The following ERN1 variants were observed in gnomAD, a reference collection of about 807,000 sequenced individuals.
ERN1 encodes endoplasmic reticulum to nucleus signaling 1.
Under a neutral mutation model 113.1 loss-of-function variants are expected in ERN1, and 39 were observed. The observed-to-expected ratio is 0.34, with a 90% CI of 0.27 to 0.45. The LOEUF is 0.45. Ranked by LOEUF, ERN1 falls within the 20% of genes least tolerant of loss-of-function variation. ERN1 has a pLI of 1.00. For missense variants in ERN1, 976 were observed against 1,274.8 expected (o/e 0.77, Z 3.57); for synonymous variants, 507 against 515.9 (o/e 0.98, Z 0.23).
Position 64,079,653 on chromosome 17 carries a change from T to A in ERN1, c.282+9A>T, listed in dbSNP as rs1264552340. 1 of 1,611,732 alleles carries A rather than the reference T, an allele frequency of 6.2e-7. No homozygotes were observed. The highest frequency in any genetic ancestry group is 8.5e-7 in the Non-Finnish European group (1 of 1,177,994). Reference sequence around the variant, plus strand: ...CCCTGGAGTACAAAAAGCAGCTAAATATACTCACCGTCAGGCCTTCATTAT... The same window carrying A: ...CCCTGGAGTACAAAAAGCAGCTAAAAATACTCACCGTCAGGCCTTCATTAT... On this transcript the variant is annotated intron_variant, in intron 4 of 21. Coordinates refer to ENST00000433197, the MANE Select transcript of ERN1 (RefSeq NM_001433.5).
intron 2 of ERN1, among the ~76,000 whole-genome samples, chr17:64,083,512 C>T (rs1011874303): frequency 6.6e-6 from 1 of 151,976 alleles, no homozygotes; most frequent in African/African-American, 2.4e-5. Flanking sequence ...GAATAAAAGC[C>T]AATGTCACCA....
chr17:64,045,240 A>AACCTG, intron 20 of ERN1, 119 bp downstream of exon 20: 1 of 1,212,784 alleles, frequency 8.2e-7, no homozygotes, highest in Non-Finnish European at 1.2e-6. Context: ...GAAAGTCTCA[A>AACCTG]ACCTGACAGG....
At position 64,066,693 on chromosome 17, in the gene ERN1, T is replaced by C. The variant is rs2143375842; in HGVS notation, c.820A>G (p.Thr274Ala). Residue 274 changes from threonine (T) to alanine (A), a missense_variant, in exon 8 of 22, where the codon ACA becomes GCA. This residue lies in a region of ERN1 where 459 missense variants were observed against 581.2 expected (regional missense o/e 0.79). Coordinates refer to ENST00000433197, the MANE Select transcript of ERN1 (RefSeq NM_001433.5). Reference protein sequence around the residue: ...TKWKYPFPKETEAKSKLTPTL... With the variant: ...TKWKYPFPKEAEAKSKLTPTL... ...CACGTCAGCTTGCTCTTGGCCTCTG[T>C]CTCCTTGGGGAACGGGTACTTCCAC... is the stretch of plus-strand genomic sequence containing the variant. 1 of 1,613,886 alleles carries C rather than the reference T, an allele frequency of 6.2e-7. No homozygotes were observed. Among genetic ancestry groups the C allele is most frequent in the Non-Finnish European group, 8.5e-7 (1 of 1,179,864 alleles).
At chr17:64,102,852 A>G in intron 1 of ERN1, 1 of 985,382 alleles carries the variant, frequency 1.0e-6, no homozygotes, top group South Asian at 4.7e-5. Context: ...TTTCAAGTTA[A>G]CAACCATTTG....
intron 1 of ERN1, among the ~76,000 whole-genome samples, chr17:64,110,136 G>T (rs1205703054): frequency 6.6e-6 from 1 of 152,022 alleles, no homozygotes; most frequent in East Asian, 1.9e-4. Flanking sequence ...AAGGTCAAAG[G>T]TCTCAGCTTT....
At position 64,055,847 on chromosome 17, in the gene ERN1, T is replaced by A; in HGVS notation, c.1500A>T (p.Pro500=). ...QQQQQQLPFH[P]PGDTAQDGEL... Reference sequence around the variant, plus strand: ...CGCCGTCCTGAGCCGTGTCTCCAGGTGGGTGGAAGGGCAGCTGCTGCTGCT... The same window carrying A: ...CGCCGTCCTGAGCCGTGTCTCCAGGAGGGTGGAAGGGCAGCTGCTGCTGCT... The change falls in exon 13 of 22, where the codon CCA becomes CCT. Residue 500 remains proline (P), a synonymous_variant. Transcript: ENST00000433197. The A allele has an allele frequency of 6.4e-7, 1 of 1,554,170 alleles. No individual in the cohort carries two copies. Among genetic ancestry groups the A allele is most frequent in the Non-Finnish European group, 8.7e-7 (1 of 1,148,686 alleles).
At chr17:64,077,946 C>CGTGTTAGCCAGG (rs1555615787) in intron 4 of ERN1, among the ~76,000 whole-genome samples, 5 of 152,154 alleles carry the variant, frequency 3.3e-5, no homozygotes, top group African/African-American at 1.2e-4. Flanking sequence ...GGGGTTTCAC[C>CGTGTTAGCCAGG]ATGGTCTCGA....
intron 16 of ERN1, 103 bp from the exon 17 acceptor site, chr17:64,053,082 A>G: frequency 9.8e-7 from 1 of 1,015,266 alleles, no homozygotes; most frequent in Non-Finnish European, 1.4e-6. Flanking sequence ...GCCTGCCGCC[A>G]CCTCCAAATG....
chr17:64,129,909 G>T, intron 1 of ERN1, 67 bp downstream of exon 1: 2 of 1,306,224 alleles, frequency 1.5e-6, no homozygotes, highest in Non-Finnish European at 1.9e-6. Flanking sequence ...CCGGCGCCGC[G>T]ACGCTGCCCC....
In ERN1 at chr17:64,130,012, C is replaced by T; in HGVS notation, c.18G>A (p.Leu6=). MPARR[L]LLLLTLLLPG... ...GCAGCAGCAGCGTCAGCAGCAGCAG[C>T]AGCCGCCGGGCCGGCATGGCGAGGA... The change falls in exon 1 of 22, where the codon CTG becomes CTA. Residue 6 remains leucine (L), a synonymous_variant. Coordinates refer to ENST00000433197, the MANE Select transcript of ERN1 (RefSeq NM_001433.5). This position sits in a 1 kb window ranked among gnomAD's most constrained non-coding sequence, Gnocchi z 4.0. 1 of 1,438,810 alleles carries T rather than the reference C, an allele frequency of 7.0e-7. No individual in the cohort carries two copies. The highest frequency in any genetic ancestry group is 9.1e-7 in the Non-Finnish European group (1 of 1,101,960). 89.1% of individuals were successfully genotyped at this position (1,438,810 alleles called of 1,614,324 possible).
chr17:64,129,926 G>C, intron 1 of ERN1, 50 bp downstream of exon 1: 1 of 1,375,226 alleles, frequency 7.3e-7, no homozygotes, highest in Non-Finnish European at 9.4e-7. Flanking sequence ...CCCCGGCCCC[G>C]ACCCGGCCGT....
rs1184950694 is a variant in ERN1 at position 64,079,734 on chromosome 17, C to T, written c.210G>A (p.Glu70=). Residue 70 remains glutamate (E), a splice_region_variant and synonymous_variant, in exon 4 of 22, where the codon GAG becomes GAA. Transcript: ENST00000433197. ...PVLQVPTHVE[E]PAFLPDPNDG... ...CATTAGGATCTGGGAGAAAGGCAGG[C>T]CTAGAGATTAAATAATAAATATCAA... 1.2e-6 allele frequency: 2 copies of T among 1,612,060 alleles called. No homozygotes were observed. The highest frequency in any genetic ancestry group is 1.7e-6 in the Non-Finnish European group (2 of 1,178,504).
intron 2 of ERN1, among the ~76,000 whole-genome samples, chr17:64,083,412 C>G (rs1319917433): frequency 6.6e-6 from 1 of 151,870 alleles, no homozygotes; most frequent in Admixed American, 6.6e-5. Context: ...AAAAAGTTTT[C>G]AGCCATGTGA....
At chr17:64,101,307 G>A (rs1003644078) in intron 1 of ERN1, among the ~76,000 whole-genome samples, 4 of 152,058 alleles carry the variant, frequency 2.6e-5, no homozygotes, top group Non-Finnish European at 4.4e-5. Context: ...TACTAGAGAC[G>A]CTGAGGCAGA....
In ERN1 at chr17:64,054,995, T is replaced by TAC. The variant is rs1912812035; in HGVS notation, c.1673-169_1673-168dup. On this transcript the variant is annotated intron_variant, in intron 13 of 21. Transcript: ENST00000433197. The surrounding 1 kb of genome is among the most constrained non-coding windows in gnomAD (Gnocchi z 4.9). ...GAGCCTGCCAGGCCCACTCCCCATG[T>TAC]ACACCCAGGACTGCCTCTTCCCCCT... is the stretch of plus-strand genomic sequence containing the variant. Among the ~76,000 whole-genome samples the TAC allele has an allele frequency of 6.6e-6, 1 of 152,220 alleles. No individual in the cohort carries two copies. Among genetic ancestry groups the TAC allele is most frequent in the South Asian group, 2.1e-4 (1 of 4,838 alleles).
At chr17:64,127,802 T>C (rs959743553) in intron 1 of ERN1, among the ~76,000 whole-genome samples, 5 of 150,870 alleles carry the variant, frequency 3.3e-5, no homozygotes, top group African/African-American at 1.2e-4. Context: ...AGTAAAAGAA[T>C]ATGCCTAGGG....
At chr17:64,060,698 T>C (rs556694425) in intron 10 of ERN1, 111 bp from the exon 11 acceptor site, 2 of 727,878 alleles carry the variant, frequency 2.7e-6, no homozygotes, top group South Asian at 1.6e-5. Flanking sequence ...CAATGCAAAC[T>C]CTCAGCAGGA....
chr17:64,045,601 A>C lies in ERN1; in HGVS notation c.2530-119T>G, dbSNP rs1598042242. On this transcript the variant is annotated intron_variant, in intron 19 of 21. Transcript: ENST00000433197. ...TAAGCCTGCCCCAGAGCTGGGCAGC[A>C]GGCACCCTGCCCCCTCCCTCCCTCA... 6 of 1,277,284 alleles carry C rather than the reference A, an allele frequency of 4.7e-6. No homozygotes were observed. The East Asian group carries it at 1.4e-4, about 30-fold the overall frequency. 79.1% of individuals were successfully genotyped at this position (1,277,284 alleles called of 1,614,324 possible). A position where few individuals can be genotyped will look rare whatever the true frequency, so the allele number is the denominator to read the frequency against.
intron 2 of ERN1, among the ~76,000 whole-genome samples, chr17:64,091,248 G>T (rs1914080030): frequency 6.6e-6 from 1 of 152,154 alleles, no homozygotes; most frequent in Admixed American, 6.5e-5. Context: ...AAAACCAACT[G>T]CCAAAGGCCA....
Sources: gnomAD v4.1 joint callset for allele counts (sites outside exome capture counted in the v4.1 genomes callset) on GRCh38, gnomAD v4.1.1 for gene constraint, gnomAD v4.1.1 regional missense constraint, Gnocchi (gnomAD v3.1) non-coding constraint, MANE v1.5 for transcripts, NCBI Gene and HGNC (gene_info 2026-07-23, HGNC 2026-07-21) for gene names.